PSMA1: variants seen among roughly 807,000 people sequenced by gnomAD.
The protein encoded by PSMA1 is proteasome 20S subunit alpha 1.
A neutral mutation model predicts 38.4 loss-of-function variants in PSMA1; 3 were observed. That is an observed-to-expected ratio of 0.08 (90% confidence interval 0.04 to 0.20). The LOEUF is 0.20. PSMA1 is among the 10% of genes least tolerant of loss of function. The pLI, the probability that PSMA1 is intolerant of heterozygous loss-of-function variation, is 1.00. For synonymous variants in PSMA1, 101 were observed against 107.1 expected, an observed-to-expected ratio of 0.94 and a Z score of 0.35; for missense variants, 227 against 325.3, an observed-to-expected ratio of 0.70 and a Z score of 2.32.
chr11:14,521,088 C>T (rs1197720962), upstream of PSMA1, among the ~76,000 whole-genome samples: 1 of 152,130 alleles, frequency 6.6e-6, no homozygotes, highest in East Asian at 1.9e-4. Flanking sequence ...CACTTTCTTT[C>T]GATTTATCTA....
intron 2 of PSMA1, among the ~76,000 whole-genome samples, chr11:14,594,713 A>C (rs1260618605): frequency 1.3e-5 from 2 of 152,198 alleles, no homozygotes; most frequent in East Asian, 1.9e-4. Flanking sequence ...TATTACAGTT[A>C]AAGGTAACTT....
intron 2 of PSMA1, among the ~76,000 whole-genome samples, chr11:14,597,060 T>G (rs1318020780): frequency 6.6e-6 from 1 of 152,194 alleles, no homozygotes; most frequent in African/African-American, 2.4e-5. Context: ...TTGATTTGCG[T>G]ATATTGAACC....
At chr11:14,517,559 TA>T in intron 4 of PSMA1, 82 bp downstream of exon 4, 1 of 1,160,732 alleles carries the variant, frequency 8.6e-7, no homozygotes, top group Non-Finnish European at 1.2e-6. Flanking sequence ...GACAACTTCC[TA>T]AAATACCTTA....
In PSMA1 at chr11:14,516,635, T is replaced by G. The variant is rs1851434396; in HGVS notation, c.254+1007A>C. On this transcript the variant is annotated intron_variant, in intron 4 of 9. Transcript: ENST00000396394. ...GTTTACAGTAGGCAATTTAAAATAT[T>G]TAAAAATAGGCTGGGTGCAGTGGCT... 3.3e-5 allele frequency among the ~76,000 whole-genome samples: 5 copies of G among 152,176 alleles called. 1 individual carries two copies. In the South Asian group the frequency reaches 1.0e-3, roughly 32 times the overall value.
At chr11:14,619,377 T>G (rs936075836) in intron 1 of PSMA1, among the ~76,000 whole-genome samples, 2 of 152,032 alleles carry the variant, frequency 1.3e-5, no homozygotes, top group African/African-American at 4.8e-5. Flanking sequence ...AGATCGACAC[T>G]TCAGTGAGTT....
chr11:14,581,317 G>C (rs1056349627), intron 2 of PSMA1, among the ~76,000 whole-genome samples: 3 of 152,192 alleles, frequency 2.0e-5, no homozygotes, highest in African/African-American at 7.2e-5. Flanking sequence ...AGTATCATCT[G>C]AATCAGTTGG....
At chr11:14,606,512 T>G (rs534440100) in intron 2 of PSMA1, among the ~76,000 whole-genome samples, 1 of 152,036 alleles carries the variant, frequency 6.6e-6, no homozygotes, top group East Asian at 1.9e-4. Flanking sequence ...AATTTAATAG[T>G]TTAAAAACCT....
At chr11:14,640,866 T>A (rs1427382652) in intron 1 of PSMA1, among the ~76,000 whole-genome samples, 1 of 152,220 alleles carries the variant, frequency 6.6e-6, no homozygotes, top group Non-Finnish European at 1.5e-5. Flanking sequence ...TGCCTATTTC[T>A]GAGTTTCTTT....
rs550130259 is a variant in PSMA1, at chr11:14,642,520, A to G, written c.-166+935T>C. Among the ~76,000 whole-genome samples, 4 of 152,368 alleles carry G rather than the reference A, an allele frequency of 2.6e-5. No homozygotes were observed. The East Asian group carries it at 7.7e-4, about 29-fold the overall frequency. On this transcript the variant is annotated intron_variant, in intron 1 of 10. Transcript: ENST00000418988. ...TGCTATGCATGTGAACTATGACCAT[A>G]TACGAAAATGGTCTGTTTTAGGTCA... is the stretch of plus-strand genomic sequence containing the variant.
rs759137277 is a variant in PSMA1, at chr11:14,510,924, C to G, written c.572G>C (p.Gly191Ala). Residue 191 changes from glycine (G) to alanine (A), a missense_variant, in exon 8 of 10, where the codon GGT becomes GCT. Gly to Ala is a moderately conservative substitution (Grantham distance 60). Coordinates refer to ENST00000396394, the MANE Select transcript of PSMA1 (RefSeq NM_002786.4). ...AAGCGTCTCTCTTAAGGCACGCAGA[C>G]CATGTTTAACTAGTTCATTTAAATT... ...ECNLNELVKH[G>A]LRALRETLPA... is the part of the protein sequence containing the mutation. The G allele has an allele frequency of 3.7e-6, 6 of 1,605,766 alleles. No individual in the cohort carries two copies. The Admixed American group carries it at 1.0e-4, about 27-fold the overall frequency.
At chr11:14,574,396 G>A (rs1319480329) in intron 2 of PSMA1, among the ~76,000 whole-genome samples, 1 of 152,230 alleles carries the variant, frequency 6.6e-6, no homozygotes, top group African/African-American at 2.4e-5. Flanking sequence ...GAAGGTGCAA[G>A]CCATAAGCCT....
At chr11:14,529,787 T>C (rs1485139586) in intron 2 of PSMA1, among the ~76,000 whole-genome samples, 1 of 152,230 alleles carries the variant, frequency 6.6e-6, no homozygotes, top group Non-Finnish European at 1.5e-5. Context: ...ATAGCTAGCA[T>C]GTATAGCTAC....
intron 7 of PSMA1, among the ~76,000 whole-genome samples, chr11:14,512,853 T>C (rs1007192760): frequency 6.6e-6 from 1 of 152,254 alleles, no homozygotes; most frequent in Non-Finnish European, 1.5e-5. Context: ...TAATTTACAA[T>C]GTTAAACTTT....
Position 14,592,354 on chromosome 11 carries a change from GTC to G in PSMA1, c.21+18610_21+18611del, listed in dbSNP as rs569894376. ...TCGACCCCGTCTCAACTCTGACACA[GTC>G]TCTCTCTCTCTCTCTCTCTCTATAT... is the stretch of plus-strand genomic sequence containing the variant. On this transcript the variant is annotated intron_variant, in intron 2 of 10. Transcript: ENST00000418988. 4.1e-3 allele frequency among the ~76,000 whole-genome samples: 558 copies of G among 135,892 alleles called. 3 individuals carry two copies. Among genetic ancestry groups the G allele is most frequent in the African/African-American group, 0.012 (422 of 36,338 alleles). The allele number at this position is 135,892 out of a possible 152,430, so 89.2% of individuals were successfully genotyped here.
chr11:14,614,131 C>G (rs1852741583), intron 1 of PSMA1, among the ~76,000 whole-genome samples: 1 of 151,818 alleles, frequency 6.6e-6, no homozygotes, highest in Non-Finnish European at 1.5e-5. Context: ...ACAAAATAAC[C>G]AAGTGTTAAA....
At chr11:14,528,037 A>T (rs931024312) in intron 2 of PSMA1, among the ~76,000 whole-genome samples, 1 of 152,006 alleles carries the variant, frequency 6.6e-6, no homozygotes, top group Non-Finnish European at 1.5e-5. Context: ...TCCTTCTTTA[A>T]CAAACAATTG....
chr11:14,543,825 T>C (rs1851797738), intron 2 of PSMA1, among the ~76,000 whole-genome samples: 1 of 152,230 alleles, frequency 6.6e-6, no homozygotes, highest in Non-Finnish European at 1.5e-5. Context: ...TTCTGTTATA[T>C]GTCCTTTTGC....
intron 2 of PSMA1, among the ~76,000 whole-genome samples, chr11:14,578,315 A>C (rs1285210484): frequency 6.6e-6 from 1 of 152,176 alleles, no homozygotes; most frequent in Non-Finnish European, 1.5e-5. Flanking sequence ...TGCTTCACAT[A>C]AACAGGACAG....
At chr11:14,567,907 G>A (rs1390505553) in intron 2 of PSMA1, among the ~76,000 whole-genome samples, 1 of 152,184 alleles carries the variant, frequency 6.6e-6, no homozygotes, top group Non-Finnish European at 1.5e-5. Flanking sequence ...TGTTAGATAA[G>A]CTTCCTTCGG....
Sources: allele counts gnomAD v4.1 joint callset (sites outside exome capture counted in the v4.1 genomes callset), GRCh38; gene constraint gnomAD v4.1.1; transcripts MANE v1.5; gene names NCBI Gene and HGNC (gene_info 2026-07-23, HGNC 2026-07-21).